The following RBFOX1 variants were observed in gnomAD, a reference collection of about 807,000 sequenced individuals.
RBFOX1 encodes RNA binding fox-1 homolog 1.
In RBFOX1, 8 loss-of-function variants were observed where a neutral mutation model predicts 57.7. The observed-to-expected ratio is 0.14, with a 90% confidence interval of 0.08 to 0.25. RBFOX1 has a LOEUF of 0.25. RBFOX1 is among the 10% of genes least tolerant of loss of function. RBFOX1 has a pLI of 1.00. For synonymous variants in RBFOX1, 326 were observed against 222.4 expected, an observed-to-expected ratio of 1.47 and a Z score of -4.15; for missense variants, 611 against 548.5, an observed-to-expected ratio of 1.11 and a Z score of -1.14.
intron 2 of RBFOX1, among the ~76,000 whole-genome samples, chr16:6,441,543 A>G (rs1470876715): frequency 6.6e-6 from 1 of 151,860 alleles, no homozygotes; most frequent in African/African-American, 2.4e-5. Context: ...CAGCCTCCCA[A>G]GTAGTTGGGA....
chr16:6,469,822 A>C (rs2153078547), intron 2 of RBFOX1, among the ~76,000 whole-genome samples: 1 of 152,356 alleles, frequency 6.6e-6, no homozygotes, highest in Middle Eastern at 3.4e-3. Context: ...GGGCTCACTA[A>C]GTGGGAGTTA....
intron 1 of RBFOX1, among the ~76,000 whole-genome samples, chr16:5,395,796 C>A (rs1353075366): frequency 6.6e-6 from 1 of 152,224 alleles, no homozygotes; most frequent in East Asian, 1.9e-4. Context: ...AAGCAGGCAT[C>A]TGTGGAGTAT....
intron 4 of RBFOX1, among the ~76,000 whole-genome samples, chr16:7,389,496 G>A (rs927061672): frequency 2.6e-5 from 4 of 152,138 alleles, no homozygotes; most frequent in African/African-American, 9.7e-5. Flanking sequence ...CTTGATCTTT[G>A]TTCTGGACTC....
chr16:7,356,468 G>C (rs890136863), intron 4 of RBFOX1, among the ~76,000 whole-genome samples: 1 of 152,148 alleles, frequency 6.6e-6, no homozygotes, highest in Admixed American at 6.5e-5. Context: ...TTCAAAAGAA[G>C]CCAGGATGGC....
intron 1 of RBFOX1, among the ~76,000 whole-genome samples, chr16:5,389,562 T>C (rs1016626833): frequency 2.6e-5 from 4 of 152,218 alleles, no homozygotes; most frequent in African/African-American, 7.2e-5. Flanking sequence ...CACTCAATCA[T>C]TGGGGGCATC....
At chr16:6,309,647 G>C (rs1372406354) in intron 1 of RBFOX1, among the ~76,000 whole-genome samples, 1 of 151,706 alleles carries the variant, frequency 6.6e-6, no homozygotes, top group Admixed American at 6.6e-5. Flanking sequence ...CAACAATAAG[G>C]CTCAAAGGGA....
intron 1 of RBFOX1, among the ~76,000 whole-genome samples, chr16:5,417,292 A>G (rs1950555934): frequency 6.6e-6 from 1 of 152,208 alleles, no homozygotes; most frequent in African/African-American, 2.4e-5. Flanking sequence ...ACGTAATTTA[A>G]TGAGAAGAAG....
At chr16:6,894,244 GT>G (rs1252212823) in intron 3 of RBFOX1, among the ~76,000 whole-genome samples, 1 of 152,056 alleles carries the variant, frequency 6.6e-6, no homozygotes, top group Admixed American at 6.6e-5. Context: ...GATGGCATTG[GT>G]CATTGGTCAT....
intron 4 of RBFOX1, among the ~76,000 whole-genome samples, chr16:7,344,325 G>A (rs1275582620): frequency 6.7e-6 from 1 of 149,990 alleles, no homozygotes; most frequent in South Asian, 2.1e-4. Flanking sequence ...AAAACTGATA[G>A]AAATAATAAT....
chr16:5,530,825 C>T (rs1308080907), intron 2 of RBFOX1, among the ~76,000 whole-genome samples: 9 of 150,046 alleles, frequency 6.0e-5, no homozygotes, highest in Non-Finnish European at 7.4e-5. Flanking sequence ...TGGTGGCTCA[C>T]GCCTGTAATC....
At chr16:5,748,076 CT>C (rs2053055830) in intron 3 of RBFOX1, among the ~76,000 whole-genome samples, 1 of 152,170 alleles carries the variant, frequency 6.6e-6, no homozygotes, top group South Asian at 2.1e-4. Context: ...TATGTTGTGT[CT>C]TTGTTCTCAT....
At chr16:6,390,697 G>A (rs941561248) in intron 2 of RBFOX1, among the ~76,000 whole-genome samples, 2 of 152,292 alleles carry the variant, frequency 1.3e-5, no homozygotes, top group Non-Finnish European at 2.9e-5. Flanking sequence ...CTTTTACAAA[G>A]AGACTACCCT....
chr16:7,432,027 C>A (rs2098686057), intron 4 of RBFOX1, among the ~76,000 whole-genome samples: 1 of 152,228 alleles, frequency 6.6e-6, no homozygotes, highest in Non-Finnish European at 1.5e-5. Flanking sequence ...CTTCCACTTG[C>A]TTTCCTTACA....
At chr16:6,985,098 C>G (rs888177975) in intron 3 of RBFOX1, among the ~76,000 whole-genome samples, 8 of 152,032 alleles carry the variant, frequency 5.3e-5, no homozygotes, top group African/African-American at 1.2e-4. Flanking sequence ...TTCCTCTCCC[C>G]TCTCCTTCCT....
Position 6,450,850 on chromosome 16 carries a change from T to TGTATATATATACAC in RBFOX1, c.-64+133793_-64+133794insGTATATATATACAC, listed in dbSNP as rs2094601040. On this transcript the variant is annotated intron_variant, in intron 2 of 15. Transcript: ENST00000550418. Reference sequence around the variant, plus strand: ...ATATATATATATGTGTATATATATATATATATATATATATATATATATATC... The same window carrying TGTATATATATACAC: ...ATATATATATATGTGTATATATATATGTATATATATACACATATATATATATATATATATATATC... Among the ~76,000 whole-genome samples the TGTATATATATACAC allele has an allele frequency of 3.8e-5, 2 of 52,738 alleles. 1 individual carries two copies. Among genetic ancestry groups the TGTATATATATACAC allele is most frequent in the Non-Finnish European group, 7.3e-5 (2 of 27,358 alleles). 34.6% of individuals were successfully genotyped at this position (52,738 alleles called of 152,430 possible).
rs2097634479 is a variant in RBFOX1, at chr16:6,253,174, C to G, written c.-126-63821C>G. Among the ~76,000 whole-genome samples, 5 of 152,280 alleles carry G rather than the reference C, an allele frequency of 3.3e-5. No individual in the cohort carries two copies. The South Asian group carries it at 1.0e-3, about 32-fold the overall frequency. On this transcript the variant is annotated intron_variant, in intron 1 of 15. Transcript: ENST00000550418. ...GCTTGGATTTGAATACAGGTCTCAT[C>G]TAACTCCAAATTCTATTTCTCCTAG...
chr16:7,521,319 T>A (rs1166400229), intron 5 of RBFOX1, among the ~76,000 whole-genome samples: 4 of 152,168 alleles, frequency 2.6e-5, no homozygotes, highest in Non-Finnish European at 5.9e-5. Context: ...TTTGACATCC[T>A]ACAGACCTGG....
At chr16:6,167,494 T>A (rs1327575384) in intron 1 of RBFOX1, among the ~76,000 whole-genome samples, 1 of 152,216 alleles carries the variant, frequency 6.6e-6, no homozygotes, top group Admixed American at 6.5e-5. Context: ...ATTTTGTTTT[T>A]TGTTTAACGG....
chr16:6,561,959 A>T (rs903494059), intron 2 of RBFOX1, among the ~76,000 whole-genome samples: 3 of 152,206 alleles, frequency 2.0e-5, no homozygotes, highest in African/African-American at 7.2e-5. Context: ...CCACATTCAC[A>T]TCATCCACCT....
Sources: allele counts gnomAD v4.1 joint callset (sites outside exome capture counted in the v4.1 genomes callset), GRCh38; gene constraint gnomAD v4.1.1; transcripts MANE v1.5; gene names NCBI Gene and HGNC (gene_info 2026-07-23, HGNC 2026-07-21).